The following LSAMP variants were observed in gnomAD, a reference collection of about 807,000 sequenced individuals.
The protein encoded by LSAMP is limbic system-associated membrane protein.
LSAMP carries 7 observed loss-of-function variants against 38.6 expected under a neutral mutation model. The observed-to-expected ratio is 0.18, with a 90% CI of 0.10 to 0.34. The LOEUF is 0.34. LSAMP is among the 10% of genes least tolerant of loss of function. The probability of loss-of-function intolerance (pLI) is 1.00; values close to 1 mark genes in which losing one functional copy is unlikely to be tolerated. For missense variants in LSAMP, 313 were observed against 420.0 expected (o/e 0.75, Z 2.23); for synonymous variants, 154 against 166.8 (o/e 0.92, Z 0.59).
At chr3:116,316,788 A>G (rs1403479910) in intron 1 of LSAMP, among the ~76,000 whole-genome samples, 1 of 151,324 alleles carries the variant, frequency 6.6e-6, no homozygotes, top group Non-Finnish European at 1.5e-5. Flanking sequence ...GAAAAAAAAA[A>G]AAAAAAAGAG....
intron 1 of LSAMP, among the ~76,000 whole-genome samples, chr3:116,281,080 C>G (rs1269951621): frequency 6.6e-6 from 1 of 151,966 alleles, no homozygotes; most frequent in Non-Finnish European, 1.5e-5. Flanking sequence ...CCAGCAGTTG[C>G]AAACTTGGAA....
At chr3:116,328,361 C>G (rs894911543) in intron 1 of LSAMP, among the ~76,000 whole-genome samples, 3 of 152,022 alleles carry the variant, frequency 2.0e-5, no homozygotes, top group Admixed American at 6.6e-5. Flanking sequence ...AATTAATAGG[C>G]AAAAGACTGA....
intron 1 of LSAMP, among the ~76,000 whole-genome samples, chr3:116,405,779 A>T (rs2048890503): frequency 6.6e-6 from 1 of 152,102 alleles, no homozygotes; most frequent in Non-Finnish European, 1.5e-5. Flanking sequence ...CAGATTTTGA[A>T]ACCTGCCCAT....
chr3:115,915,521 T>C (rs1047468161), intron 3 of LSAMP, among the ~76,000 whole-genome samples: 1 of 152,222 alleles, frequency 6.6e-6, no homozygotes, highest in Admixed American at 6.5e-5. Flanking sequence ...TTTAAGAATC[T>C]GTAACTTCTT....
At chr3:116,253,129 G>C (rs2046706433) in intron 1 of LSAMP, among the ~76,000 whole-genome samples, 1 of 152,098 alleles carries the variant, frequency 6.6e-6, no homozygotes, top group Non-Finnish European at 1.5e-5. Context: ...TAAAGAGAGA[G>C]CTAGGAATTT....
At chr3:116,032,665 T>C (rs1030128123) in intron 2 of LSAMP, among the ~76,000 whole-genome samples, 2 of 152,004 alleles carry the variant, frequency 1.3e-5, no homozygotes, top group African/African-American at 4.8e-5. Context: ...TAGCTGGACA[T>C]GGTGGCACAC....
chr3:116,079,473 G>A (rs1286884584), intron 2 of LSAMP, among the ~76,000 whole-genome samples: 1 of 152,034 alleles, frequency 6.6e-6, no homozygotes, highest in East Asian at 1.9e-4. Flanking sequence ...CAAACATAGT[G>A]AAACCCCTGT....
chr3:116,000,673 G>T (rs1939964797), intron 3 of LSAMP, among the ~76,000 whole-genome samples: 1 of 152,116 alleles, frequency 6.6e-6, no homozygotes, highest in Non-Finnish European at 1.5e-5. Flanking sequence ...GACGATATTG[G>T]CTCTTCCTTC....
At chr3:116,399,735 A>T (rs1433198616) in intron 1 of LSAMP, among the ~76,000 whole-genome samples, 1 of 152,202 alleles carries the variant, frequency 6.6e-6, no homozygotes, top group African/African-American at 2.4e-5. Flanking sequence ...TTGATCCACA[A>T]GTTTATATCC....
At chr3:116,275,859 A>G (rs575612344) in intron 1 of LSAMP, among the ~76,000 whole-genome samples, 1 of 152,372 alleles carries the variant, frequency 6.6e-6, no homozygotes, top group Non-Finnish European at 1.5e-5. Context: ...AAGATGTAGT[A>G]AGTGATAGAA....
intron 3 of LSAMP, among the ~76,000 whole-genome samples, chr3:115,901,133 T>G (rs1022766707): frequency 2.6e-5 from 4 of 152,130 alleles, no homozygotes; most frequent in African/African-American, 7.2e-5. Flanking sequence ...TGCTATTAGC[T>G]GCTCTGGACA....
intron 2 of LSAMP, among the ~76,000 whole-genome samples, chr3:116,061,738 C>T (rs1032326523): frequency 6.6e-6 from 1 of 152,102 alleles, no homozygotes; most frequent in Non-Finnish European, 1.5e-5. Context: ...CATAAAGGGA[C>T]AGTTTTTGTT....
intron 1 of LSAMP, among the ~76,000 whole-genome samples, chr3:116,327,013 G>A (rs13079395): frequency 0.093 from 14,096 of 152,222 alleles, 738 homozygotes; most frequent in Middle Eastern, 0.14. Context: ...AGAGGAGCTT[G>A]TAGTCCCCAA....
chr3:116,404,088 A>T (rs1364393267), intron 1 of LSAMP, among the ~76,000 whole-genome samples: 1 of 152,136 alleles, frequency 6.6e-6, no homozygotes, highest in East Asian at 1.9e-4. Context: ...TTTTTCCCCT[A>T]AAGTTTTAAT....
chr3:116,375,658 G>T (rs946397151), intron 1 of LSAMP, among the ~76,000 whole-genome samples: 2 of 151,704 alleles, frequency 1.3e-5, no homozygotes, highest in Non-Finnish European at 2.9e-5. Flanking sequence ...CTCAATGATA[G>T]ATTTTATTTG....
intron 1 of LSAMP, among the ~76,000 whole-genome samples, chr3:116,215,743 G>T (rs867610200): frequency 6.6e-6 from 1 of 152,156 alleles, no homozygotes; most frequent in Non-Finnish European, 1.5e-5. Flanking sequence ...ATTGCCCAAA[G>T]TTGGGTATGG....
Position 116,445,073 on chromosome 3 carries a change from G to C in LSAMP, c.-42C>G, listed in dbSNP as rs548318868. ...TGCGGGTCCGCGGGGTGCTCTGGAG[G>C]GGTGCGCGCTGCTCGCGAGGAGAGG... On this transcript the variant is annotated 5_prime_UTR_variant, in exon 1 of 7. Transcript: ENST00000490035. 14 of 1,576,156 alleles carry C rather than the reference G, an allele frequency of 8.9e-6. No homozygotes were observed. Among genetic ancestry groups the C allele is most frequent in the Non-Finnish European group, 1.2e-5 (14 of 1,159,320 alleles).
At chr3:116,198,585 C>T (rs1263211134) in intron 1 of LSAMP, among the ~76,000 whole-genome samples, 1 of 151,144 alleles carries the variant, frequency 6.6e-6, no homozygotes, top group African/African-American at 2.5e-5. Flanking sequence ...CCGGCTAACA[C>T]AGTGAAACCC....
intron 1 of LSAMP, among the ~76,000 whole-genome samples, chr3:116,348,826 T>C (rs2048098298): frequency 6.6e-6 from 1 of 152,156 alleles, no homozygotes; most frequent in African/African-American, 2.4e-5. Context: ...TATTTATTAT[T>C]GGTGACACTC....
Sources: allele counts gnomAD v4.1 joint callset (sites outside exome capture counted in the v4.1 genomes callset), GRCh38; gene constraint gnomAD v4.1.1; transcripts MANE v1.5; gene names NCBI Gene and HGNC (gene_info 2026-07-23, HGNC 2026-07-21).